Variants in PTPRM observed in about 807,000 individuals in gnomAD.
The protein encoded by PTPRM is receptor-type tyrosine-protein phosphatase mu.
A neutral mutation model predicts 186.7 loss-of-function variants in PTPRM; 47 were observed. The ratio of observed to expected loss-of-function variants is 0.25; its 90% CI spans 0.20 to 0.32. The LOEUF (loss-of-function observed/expected upper bound fraction) is 0.32. Among genes scored for constraint, PTPRM ranks in the 10% least tolerant of loss-of-function variants. The pLI is 1.00. For synonymous variants in PTPRM, 668 were observed against 674.9 expected (o/e 0.99, Z 0.16); for missense variants, 1,494 against 1,865.0 (o/e 0.80, Z 3.66).
chr18:8,221,062 C>T (rs1568547900), intron 14 of PTPRM, among the ~76,000 whole-genome samples: 1 of 152,126 alleles, frequency 6.6e-6, no homozygotes, highest in Non-Finnish European at 1.5e-5. Flanking sequence ...GACTTGAAGT[C>T]TCTTTTTTTT....
At chr18:7,990,483 G>A (rs1339807397) in intron 7 of PTPRM, among the ~76,000 whole-genome samples, 1 of 152,100 alleles carries the variant, frequency 6.6e-6, no homozygotes, top group South Asian at 2.1e-4. Context: ...TAGTATTTTT[G>A]AGTGATAACT....
intron 7 of PTPRM, among the ~76,000 whole-genome samples, chr18:8,052,863 T>G (rs1300947900): frequency 6.6e-6 from 1 of 152,190 alleles, no homozygotes; most frequent in African/African-American, 2.4e-5. Context: ...GACTTTCTAA[T>G]TTTTGTGAAT....
At chr18:7,938,388 T>A (rs896750835) in intron 5 of PTPRM, among the ~76,000 whole-genome samples, 1 of 152,188 alleles carries the variant, frequency 6.6e-6, no homozygotes, top group East Asian at 1.9e-4. Flanking sequence ...TTAGATCATG[T>A]TTGAGAGGTA....
chr18:7,841,281 CTTTTTTTTTTTTTTTTTTT>C (rs34688860), intron 2 of PTPRM, among the ~76,000 whole-genome samples: 1 of 70,200 alleles, frequency 1.4e-5, no homozygotes, highest in Non-Finnish European at 2.8e-5. Flanking sequence ...CAAATCATTT[CTTTTTTTTTTTTTTTTTTT>C]TTTTTTTTTG....
intron 1 of PTPRM, among the ~76,000 whole-genome samples, chr18:7,644,368 A>G (rs1009757968): frequency 3.3e-5 from 5 of 152,152 alleles, no homozygotes; most frequent in Admixed American, 6.6e-5. Flanking sequence ...ATAATTCTCT[A>G]TTACCTCTGT....
At chr18:8,360,453 C>A (rs1333074727) in intron 23 of PTPRM, among the ~76,000 whole-genome samples, 2 of 152,090 alleles carry the variant, frequency 1.3e-5, no homozygotes, top group Non-Finnish European at 2.9e-5. Context: ...TTCCCTATGC[C>A]TGAATTACAG....
At chr18:8,344,448 G>GTGTGTGTATATATATATA (rs1360655194) in intron 23 of PTPRM, among the ~76,000 whole-genome samples, 10 of 33,422 alleles carry the variant, frequency 3.0e-4, no homozygotes, top group African/African-American at 6.0e-4. Context: ...GTGTGTGTGT[G>GTGTGTGTATATATATATA]TATATATATA....
intron 14 of PTPRM, among the ~76,000 whole-genome samples, chr18:8,201,590 G>T (rs185194425): frequency 8.8e-4 from 134 of 152,286 alleles, no homozygotes; most frequent in Non-Finnish European, 1.6e-3. Flanking sequence ...GGTTCTGGAG[G>T]CCAGAAGTCT....
chr18:7,895,535 G>A (rs971650372), intron 3 of PTPRM, among the ~76,000 whole-genome samples: 2 of 152,150 alleles, frequency 1.3e-5, no homozygotes, highest in South Asian at 4.1e-4. Context: ...GAGGGTCCGT[G>A]CAGTTCTCCC....
intron 1 of PTPRM, among the ~76,000 whole-genome samples, chr18:7,699,407 T>G (rs2039912041): frequency 6.6e-6 from 1 of 152,204 alleles, no homozygotes; most frequent in Non-Finnish European, 1.5e-5. Flanking sequence ...TATTAATTTA[T>G]TTTTATTTAT....
intron 15 of PTPRM, among the ~76,000 whole-genome samples, chr18:8,244,479 T>A (rs999378750): frequency 7.9e-5 from 12 of 152,126 alleles, no homozygotes; most frequent in African/African-American, 1.9e-4. Flanking sequence ...TTCCTTCTTT[T>A]GAGGAAGAAG....
chr18:7,989,621 C>G (rs1324087826), intron 7 of PTPRM, among the ~76,000 whole-genome samples: 1 of 152,126 alleles, frequency 6.6e-6, no homozygotes, highest in Non-Finnish European at 1.5e-5. Flanking sequence ...CCTCCTGTCC[C>G]CTTGTTGACT....
At chr18:8,311,143 T>C (rs1278994345) in intron 20 of PTPRM, among the ~76,000 whole-genome samples, 1 of 152,090 alleles carries the variant, frequency 6.6e-6, no homozygotes, top group East Asian at 1.9e-4. Context: ...ATCCCATCTC[T>C]ACTTAAAATA....
intron 2 of PTPRM, among the ~76,000 whole-genome samples, chr18:7,775,243 A>C (rs1280707936): frequency 6.6e-6 from 1 of 152,146 alleles, no homozygotes; most frequent in Non-Finnish European, 1.5e-5. Flanking sequence ...ACTTCAAAGA[A>C]GGGAGCATTG....
intron 14 of PTPRM, among the ~76,000 whole-genome samples, chr18:8,178,351 A>G (rs1255210730): frequency 6.6e-6 from 1 of 152,120 alleles, no homozygotes; most frequent in Admixed American, 6.5e-5. Context: ...TTCTCCCTCC[A>G]ATCTCCATTT....
At chr18:7,949,505 G>A in intron 6 of PTPRM, 150 bp downstream of exon 6, 1 of 674,850 alleles carries the variant, frequency 1.5e-6, no homozygotes, top group South Asian at 3.3e-5. Flanking sequence ...TGCATTTTAA[G>A]TACAAATTTT....
At chr18:8,380,630 A>G (rs2095727506) in intron 29 of PTPRM, among the ~76,000 whole-genome samples, 1 of 152,214 alleles carries the variant, frequency 6.6e-6, no homozygotes, top group Admixed American at 6.5e-5. Flanking sequence ...CCAGAAATAC[A>G]GGCTGAAATC....
intron 7 of PTPRM, among the ~76,000 whole-genome samples, chr18:7,988,777 A>G (rs1337166222): frequency 6.6e-6 from 1 of 152,128 alleles, no homozygotes; most frequent in East Asian, 1.9e-4. Context: ...ATTCCATTGG[A>G]TGGATATACC....
chr18:8,401,897 G>A (rs1187488972), intron 32 of PTPRM, among the ~76,000 whole-genome samples: 1 of 152,248 alleles, frequency 6.6e-6, no homozygotes. Context: ...GTGAGGAATA[G>A]CAGCAGGTTG....
Sources: allele counts gnomAD v4.1 joint callset (sites outside exome capture counted in the v4.1 genomes callset), GRCh38; gene constraint gnomAD v4.1.1; transcripts MANE v1.5; gene names NCBI Gene and HGNC (gene_info 2026-07-23, HGNC 2026-07-21).